STK32B: variants seen among roughly 807,000 people sequenced by gnomAD.
The protein encoded by STK32B is serine/threonine kinase 32B.
A neutral mutation model predicts 52.6 loss-of-function variants in STK32B; 43 were observed. That is an observed-to-expected ratio of 0.82 (90% CI 0.64 to 1.05). The LOEUF (loss-of-function observed/expected upper bound fraction) is 1.05. Among genes scored for constraint, STK32B ranks in the 50% least tolerant of loss-of-function variants. The pLI is 0.00. For missense variants in STK32B, 621 were observed against 534.6 expected (o/e 1.16, Z -1.59); for synonymous variants, 238 against 204.3 (o/e 1.17, Z -1.41).
chr4:5,339,457 G>A (rs1199062482), intron 4 of STK32B, among the ~76,000 whole-genome samples: 1 of 152,098 alleles, frequency 6.6e-6, no homozygotes, highest in African/African-American at 2.4e-5. Flanking sequence ...GTGTGTATGT[G>A]TAGATTTGAA....
intron 3 of STK32B, among the ~76,000 whole-genome samples, chr4:5,300,538 G>A (rs1166016628): frequency 2.6e-5 from 4 of 152,102 alleles, no homozygotes; most frequent in Non-Finnish European, 5.9e-5. Context: ...AAACCCTAAA[G>A]ATTCTTCCAA....
At chr4:5,264,805 T>G (rs903880286) in intron 3 of STK32B, among the ~76,000 whole-genome samples, 2 of 151,890 alleles carry the variant, frequency 1.3e-5, no homozygotes, top group Non-Finnish European at 2.9e-5. Context: ...AAAAAAATTG[T>G]TGTGTTATAC....
upstream of STK32B, among the ~76,000 whole-genome samples, chr4:5,048,593 G>A (rs187592153): frequency 4.8e-4 from 73 of 152,214 alleles, 1 homozygote; most frequent in East Asian, 0.014. Context: ...CACCGTGCCT[G>A]GCCTAATTTT....
intron 2 of STK32B, among the ~76,000 whole-genome samples, chr4:5,157,688 C>T (rs550336326): frequency 1.9e-4 from 29 of 152,154 alleles, no homozygotes; most frequent in East Asian, 3.9e-4. Flanking sequence ...CTGCCACAAG[C>T]GAGGACTTAG....
intron 4 of STK32B, among the ~76,000 whole-genome samples, chr4:5,340,367 A>T (rs1290170089): frequency 1.3e-5 from 2 of 152,322 alleles, no homozygotes; most frequent in African/African-American, 4.8e-5. Context: ...TCGGTCTGTG[A>T]TTTGTAGGAT....
At chr4:5,314,121 GA>G (rs74581647) in intron 3 of STK32B, among the ~76,000 whole-genome samples, 2 of 149,722 alleles carry the variant, frequency 1.3e-5, no homozygotes, top group African/African-American at 2.4e-5. Flanking sequence ...AAGCAATTTT[GA>G]AAAAAAAATA....
At chr4:5,169,770 G>A (rs961981103) in intron 3 of STK32B, among the ~76,000 whole-genome samples, 2 of 152,010 alleles carry the variant, frequency 1.3e-5, no homozygotes, top group African/African-American at 2.4e-5. Flanking sequence ...TCTTTAATCC[G>A]AACAGCAATA....
chr4:5,379,484 T>C (rs1009271028), intron 4 of STK32B, among the ~76,000 whole-genome samples: 1 of 152,170 alleles, frequency 6.6e-6, no homozygotes, highest in East Asian at 1.9e-4. Flanking sequence ...ATAAAAGTCC[T>C]GTGAGAGAGT....
intron 2 of STK32B, among the ~76,000 whole-genome samples, chr4:5,166,329 C>T (rs1560191468): frequency 1.3e-5 from 2 of 151,622 alleles, no homozygotes; most frequent in African/African-American, 4.9e-5. Context: ...GCCTCACTTT[C>T]CTCTCTCTGT....
chr4:5,474,078 C>T (rs980597665), intron 11 of STK32B, among the ~76,000 whole-genome samples: 6 of 152,020 alleles, frequency 3.9e-5, no homozygotes, highest in African/African-American at 9.7e-5. Flanking sequence ...CGCGCCACTG[C>T]ACTCCAGCCT....
chr4:5,019,448 T>C, the STK32B span: 1 of 1,459,484 alleles, frequency 6.9e-7, no homozygotes, highest in Non-Finnish European at 9.0e-7. Flanking sequence ...GTCCTCATGG[T>C]GCCAGGCGCT....
chr4:5,166,331 T>C (rs1560191475), intron 2 of STK32B, among the ~76,000 whole-genome samples: 1 of 151,506 alleles, frequency 6.6e-6, no homozygotes, highest in Non-Finnish European at 1.5e-5. Context: ...CTCACTTTCC[T>C]CTCTCTGTGA....
At chr4:5,390,964 CT>C (rs71638602) in intron 4 of STK32B, among the ~76,000 whole-genome samples, 2,512 of 123,994 alleles carry the variant, frequency 0.02, 25 homozygotes, top group African/African-American at 0.042. Context: ...TCTTTTCTAT[CT>C]TTTTTTTTTT....
chr4:5,434,796 A>G (rs1446520141), intron 6 of STK32B, among the ~76,000 whole-genome samples: 13 of 152,224 alleles, frequency 8.5e-5, no homozygotes, highest in Non-Finnish European at 4.4e-5. Context: ...AGACATGAAT[A>G]GCATATGTAA....
chr4:5,157,331 G>A (rs1015724653), intron 2 of STK32B, among the ~76,000 whole-genome samples: 1 of 150,080 alleles, frequency 6.7e-6, no homozygotes, highest in African/African-American at 2.4e-5. Flanking sequence ...GCTGAACAAG[G>A]TTCCTGACAC....
intron 4 of STK32B, among the ~76,000 whole-genome samples, chr4:5,384,769 G>A (rs1166934472): frequency 6.6e-6 from 1 of 152,128 alleles, no homozygotes; most frequent in East Asian, 1.9e-4. Context: ...GTGGATTGTG[G>A]GTGCCCGTGG....
chr4:5,489,052 CAT>C (rs1349195803), intron 11 of STK32B, among the ~76,000 whole-genome samples: 13 of 152,000 alleles, frequency 8.6e-5, no homozygotes, highest in African/African-American at 2.9e-4. Context: ...AATTGTCTGT[CAT>C]GTATCAATAT....
At chr4:5,210,955 C>G (rs1280371165) in intron 3 of STK32B, among the ~76,000 whole-genome samples, 1 of 151,980 alleles carries the variant, frequency 6.6e-6, no homozygotes, top group Non-Finnish European at 1.5e-5. Flanking sequence ...ACCATCATGC[C>G]TAGCTAATTT....
chr4:5,307,219 G>C (rs1729980639), intron 3 of STK32B, among the ~76,000 whole-genome samples: 1 of 152,008 alleles, frequency 6.6e-6, no homozygotes, highest in African/African-American at 2.4e-5. Context: ...CTTGATTATT[G>C]CCTCAAACTT....
Sources: gnomAD v4.1 joint callset for allele counts (sites outside exome capture counted in the v4.1 genomes callset) on GRCh38, gnomAD v4.1.1 for gene constraint, MANE v1.5 for transcripts, NCBI Gene and HGNC (gene_info 2026-07-23, HGNC 2026-07-21) for gene names.